The following ABI2 variants were observed in gnomAD, a reference collection of about 807,000 sequenced individuals.
The protein encoded by ABI2 is abl interactor 2.
Under a neutral mutation model 59.2 loss-of-function variants are expected in ABI2, and 25 were observed. The ratio of observed to expected loss-of-function variants is 0.42; its 90% CI spans 0.31 to 0.59. The LOEUF is 0.59. ABI2 is among the 20% of genes least tolerant of loss of function. The pLI is 0.14. For synonymous variants in ABI2, 213 were observed against 235.5 expected (o/e 0.90, Z 0.87); for missense variants, 545 against 681.8 (o/e 0.80, Z 2.23).
At chr2:203,392,317 A>ACCACCACCAC (rs1559313290) in intron 5 of ABI2, among the ~76,000 whole-genome samples, 28 of 108,698 alleles carry the variant, frequency 2.6e-4, no homozygotes, top group Non-Finnish European at 3.6e-4. Context: ...ACCACCACCA[A>ACCACCACCAC]CAACAACAAC....
At chr2:203,392,535 A>G (rs2096800511) in intron 5 of ABI2, among the ~76,000 whole-genome samples, 2 of 152,196 alleles carry the variant, frequency 1.3e-5, no homozygotes, top group Non-Finnish European at 2.9e-5. Flanking sequence ...AATTCTGCTT[A>G]GAGAGAGAGA....
At position 203,352,256 on chromosome 2, in the gene ABI2, T is replaced by A. The variant is rs532607701; in HGVS notation, c.118-14621T>A. 4.6e-5 allele frequency among the ~76,000 whole-genome samples: 7 copies of A among 152,252 alleles called. No homozygotes were observed. In the South Asian group the frequency reaches 1.2e-3, roughly 27 times the overall value. On this transcript the variant is annotated intron_variant, in intron 1 of 11. Transcript: ENST00000261018. ...GGAAGGACGGCTTGAGTTCAGAAGT[T>A]CAAGGTTACAGTGATAATAATAAAG... is the stretch of plus-strand genomic sequence containing the variant.
intron 1 of ABI2, among the ~76,000 whole-genome samples, chr2:203,360,686 G>A (rs2093365305): frequency 6.6e-6 from 1 of 152,180 alleles, no homozygotes; most frequent in African/African-American, 2.4e-5. Flanking sequence ...CTCAAGATAT[G>A]GCCTAGCTGT....
At chr2:203,386,055 T>G (rs768897142) in intron 4 of ABI2, among the ~76,000 whole-genome samples, 2 of 152,230 alleles carry the variant, frequency 1.3e-5, no homozygotes, top group African/African-American at 2.4e-5. Flanking sequence ...TTTGGTCCTT[T>G]TCCTGGTGTC....
At chr2:203,356,997 C>G (rs537052799) in intron 1 of ABI2, among the ~76,000 whole-genome samples, 21 of 151,608 alleles carry the variant, frequency 1.4e-4, no homozygotes, top group Non-Finnish European at 2.1e-4. Flanking sequence ...AAAAAGAAAA[C>G]TAAAAAACGA....
intron 11 of ABI2, among the ~76,000 whole-genome samples, chr2:203,425,375 G>T (rs547953719): frequency 2.0e-5 from 3 of 152,072 alleles, no homozygotes; most frequent in African/African-American, 7.2e-5. Context: ...GCTAATTTTT[G>T]TATTTTTAGT....
intron 2 of ABI2, among the ~76,000 whole-genome samples, chr2:203,372,926 C>G (rs2095387692): frequency 6.6e-6 from 1 of 152,084 alleles, no homozygotes; most frequent in African/African-American, 2.4e-5. Context: ...AGAGACGCTC[C>G]TCACTTCCTA....
intron 1 of ABI2, among the ~76,000 whole-genome samples, chr2:203,350,326 C>T (rs1022953065): frequency 6.6e-6 from 1 of 152,046 alleles, no homozygotes; most frequent in African/African-American, 2.4e-5. Flanking sequence ...ATCCTCCCGC[C>T]TCGTGACCAA....
intron 3 of ABI2, among the ~76,000 whole-genome samples, chr2:203,381,191 A>G (rs565276169): frequency 4.6e-5 from 7 of 152,348 alleles, no homozygotes; most frequent in African/African-American, 1.7e-4. Flanking sequence ...AGATCTAGGT[A>G]AAAAGAAAAT....
chr2:203,349,231 T>G (rs976451378), intron 1 of ABI2, among the ~76,000 whole-genome samples: 2 of 152,082 alleles, frequency 1.3e-5, no homozygotes, highest in African/African-American at 4.8e-5. Flanking sequence ...CATTAGCCTC[T>G]GAACCCAGCT....
intron 1 of ABI2, among the ~76,000 whole-genome samples, chr2:203,337,973 T>G (rs1376762873): frequency 2.0e-5 from 3 of 152,188 alleles, no homozygotes; most frequent in African/African-American, 7.2e-5. Flanking sequence ...GAGGTTGCAG[T>G]GAGCTGAGAT....
intron 1 of ABI2, among the ~76,000 whole-genome samples, chr2:203,365,510 T>C (rs1463569473): frequency 6.6e-6 from 1 of 152,116 alleles, no homozygotes; most frequent in Non-Finnish European, 1.5e-5. Flanking sequence ...GAGTGAAATA[T>C]TGAAGCCCTT....
intron 1 of ABI2, chr2:203,351,562 G>A (rs1267650335): frequency 4.6e-6 from 2 of 436,088 alleles, no homozygotes; most frequent in Admixed American, 2.6e-5. Flanking sequence ...TAGAGATGGG[G>A]TCTTGGTATG....
intron 11 of ABI2, among the ~76,000 whole-genome samples, chr2:203,419,041 T>C (rs2098051901): frequency 6.6e-6 from 1 of 151,612 alleles, no homozygotes; most frequent in African/African-American, 2.4e-5. Flanking sequence ...ATCTTCAAAG[T>C]AATGAAGGAA....
At chr2:203,385,117 G>GCCA (rs2096420988) in intron 4 of ABI2, among the ~76,000 whole-genome samples, 1 of 130,988 alleles carries the variant, frequency 7.6e-6, no homozygotes, top group South Asian at 2.7e-4. Context: ...ACAGGTGTGA[G>GCCA]CCACCGCACC....
At chr2:203,414,960 A>G (rs2153534235) in intron 10 of ABI2, among the ~76,000 whole-genome samples, 1 of 152,368 alleles carries the variant, frequency 6.6e-6, no homozygotes, top group South Asian at 2.1e-4. Flanking sequence ...CAGTTACAAG[A>G]AAAGTAAAAA....
rs1399348298 is a variant in ABI2 at position 203,338,986 on chromosome 2, A to G, written c.117+10355A>G. ...TAAATATATATATATATATATAAAT[A>G]TATATATATATATATATATATAAAG... On this transcript the variant is annotated intron_variant, in intron 1 of 11. Coordinates refer to ENST00000261018, the MANE Select transcript of ABI2 (RefSeq NM_001375670.1). Among the ~76,000 whole-genome samples the G allele has an allele frequency of 1.0e-3, 71 of 68,404 alleles. 13 individuals carry two copies. The East Asian group carries it at 0.018, about 17-fold the overall frequency. 44.9% of individuals were successfully genotyped at this position (68,404 alleles called of 152,430 possible).
At chr2:203,338,903 TA>T (rs1308779351) in intron 1 of ABI2, among the ~76,000 whole-genome samples, 2 of 126,408 alleles carry the variant, frequency 1.6e-5, no homozygotes, top group African/African-American at 6.7e-5. Context: ...ATAAGGGGTT[TA>T]TATCTGTGTG....
chr2:203,372,802 C>T (rs1236869486), intron 2 of ABI2, among the ~76,000 whole-genome samples: 8 of 151,460 alleles, frequency 5.3e-5, no homozygotes, highest in South Asian at 2.1e-4. Context: ...ATGGGGCGGC[C>T]GGGCAGAGAC....
Sources: allele counts gnomAD v4.1 joint callset (sites outside exome capture counted in the v4.1 genomes callset), GRCh38; gene constraint gnomAD v4.1.1; transcripts MANE v1.5; gene names NCBI Gene and HGNC (gene_info 2026-07-23, HGNC 2026-07-21).